The following CDC42SE2 variants were observed in gnomAD, a reference collection of about 807,000 sequenced individuals.
CDC42SE2 encodes the protein CDC42 small effector protein 2.
CDC42SE2 carries 3 observed loss-of-function variants against 11.5 expected under a neutral mutation model. The observed-to-expected ratio is 0.26, with a 90% CI of 0.12 to 0.67. The LOEUF is 0.67. Among genes scored for constraint, CDC42SE2 ranks in the 30% least tolerant of loss-of-function variants. The pLI, the probability that CDC42SE2 is intolerant of heterozygous loss-of-function variation, is 0.80. For synonymous variants in CDC42SE2, 33 were observed against 34.8 expected (o/e 0.95, Z 0.18); for missense variants, 82 against 106.8 (o/e 0.77, Z 1.02).
chr5:131,347,032 A>G (rs1028703459), intron 2 of CDC42SE2, among the ~76,000 whole-genome samples: 1 of 152,238 alleles, frequency 6.6e-6, no homozygotes, highest in Non-Finnish European at 1.5e-5. Context: ...CTAAATGCCC[A>G]CAAGAGAAAG....
At chr5:131,245,808 T>C (rs145786870) in intron 1 of CDC42SE2, among the ~76,000 whole-genome samples, 30 of 152,370 alleles carry the variant, frequency 2.0e-4, no homozygotes, top group African/African-American at 7.2e-4. Context: ...ATTTATGACA[T>C]TTATGTTTTA....
At chr5:131,356,273 T>C (rs944739785) in intron 2 of CDC42SE2, among the ~76,000 whole-genome samples, 1 of 152,224 alleles carries the variant, frequency 6.6e-6, no homozygotes, top group African/African-American at 2.4e-5. Context: ...GTTTTTAAAA[T>C]GGTCATGTTT....
intron 1 of CDC42SE2, among the ~76,000 whole-genome samples, chr5:131,284,417 A>G (rs561525987): frequency 6.6e-6 from 1 of 152,216 alleles, no homozygotes; most frequent in Non-Finnish European, 1.5e-5. Context: ...CTAAAGTAGG[A>G]TACAAAATTG....
At chr5:131,343,999 C>G (rs1395075228) in intron 2 of CDC42SE2, among the ~76,000 whole-genome samples, 2 of 152,086 alleles carry the variant, frequency 1.3e-5, no homozygotes, top group African/African-American at 4.8e-5. Flanking sequence ...TTAAATACTT[C>G]AGATTTAAGT....
intron 2 of CDC42SE2, 43 bp from the exon 3 acceptor site, chr5:131,359,166 A>G (rs1434592869): frequency 4.8e-6 from 1 of 210,102 alleles, no homozygotes; most frequent in Non-Finnish European, 9.4e-6. Context: ...TTCAAGGATA[A>G]GTAAAGTTTA....
chr5:131,331,311 CAG>C (rs1388158572), intron 2 of CDC42SE2, among the ~76,000 whole-genome samples: 9 of 152,086 alleles, frequency 5.9e-5, no homozygotes, highest in Non-Finnish European at 1.2e-4. Flanking sequence ...TCAAATGCAA[CAG>C]AGAATGTTAA....
chr5:131,311,991 C>G (rs1757927648), intron 1 of CDC42SE2, among the ~76,000 whole-genome samples: 1 of 152,216 alleles, frequency 6.6e-6, no homozygotes. Context: ...TGGTGAGGAA[C>G]TGCATTCCTT....
chr5:131,294,015 A>T lies in CDC42SE2; in HGVS notation c.-454-21961A>T, dbSNP rs964801243. 1.0e-3 allele frequency among the ~76,000 whole-genome samples: 154 copies of T among 152,322 alleles called. 1 individual carries two copies. The highest frequency in any genetic ancestry group is 3.4e-4 in the Non-Finnish European group (23 of 68,032). The stretch of plus-strand genomic sequence containing the variant: ...CTGTATTTACTGGAAGTAATGTCAC[A>T]CTGAGCCACTCTTCTGGTGAAAATG... On this transcript the variant is annotated intron_variant, in intron 1 of 4. Transcript: ENST00000505065.
At chr5:131,242,057 A>T (rs1427343452), upstream of CDC42SE2, among the ~76,000 whole-genome samples, 1 of 152,228 alleles carries the variant, frequency 6.6e-6, no homozygotes, top group African/African-American at 2.4e-5. Flanking sequence ...CCACCTAATG[A>T]AAGCCTGGTA....
intron 1 of CDC42SE2, among the ~76,000 whole-genome samples, chr5:131,304,130 A>G (rs908634175): frequency 6.6e-6 from 1 of 151,622 alleles, no homozygotes; most frequent in Non-Finnish European, 1.5e-5. Flanking sequence ...AGGCTAATTT[A>G]TTATTATTTT....
At chr5:131,259,017 T>C (rs899515202), upstream of CDC42SE2, among the ~76,000 whole-genome samples, 3 of 152,206 alleles carry the variant, frequency 2.0e-5, no homozygotes, top group African/African-American at 7.2e-5. Context: ...CTTCCTATCT[T>C]TGGCTGCTTC....
chr5:131,283,735 C>T (rs12515858), intron 1 of CDC42SE2, among the ~76,000 whole-genome samples: 86,752 of 151,752 alleles, frequency 0.57, 28,703 homozygotes, highest in Non-Finnish European at 0.76. Flanking sequence ...TCAGGTGATC[C>T]GCCCATCTCG....
chr5:131,364,920 G>GTAACCT (rs1749809410), intron 3 of CDC42SE2, among the ~76,000 whole-genome samples: 1 of 152,234 alleles, frequency 6.6e-6, no homozygotes, highest in African/African-American at 2.4e-5. Context: ...TTCAAGGGAA[G>GTAACCT]TGGTTGAGGA....
chr5:131,236,279 C>A, the CDC42SE2 span, among the ~76,000 whole-genome samples: 4 of 152,054 alleles, frequency 2.6e-5, no homozygotes, highest in South Asian at 2.1e-4. Flanking sequence ...TTTAGAAGGG[C>A]CTTCATCACT....
At position 131,313,779 on chromosome 5, in the gene CDC42SE2, T is replaced by G. The variant is rs530682772; in HGVS notation, c.-454-2197T>G. On this transcript the variant is annotated intron_variant, in intron 1 of 4. Coordinates refer to ENST00000505065, the MANE Select transcript of CDC42SE2 (RefSeq NM_001375635.1). ...AAATTTTTGCCCTTTTTAAAAGCCGTTTTGATTGATCTAGCTCTTTGCCAT... is the reference window on the plus strand; with the variant it reads ...AAATTTTTGCCCTTTTTAAAAGCCGGTTTGATTGATCTAGCTCTTTGCCAT... Among the ~76,000 whole-genome samples, 5 of 152,286 alleles carry G rather than the reference T, an allele frequency of 3.3e-5. No homozygotes were observed. The East Asian group carries it at 9.6e-4, about 29-fold the overall frequency.
intron 1 of CDC42SE2, among the ~76,000 whole-genome samples, chr5:131,285,190 C>T (rs1757315961): frequency 6.6e-6 from 1 of 151,780 alleles, no homozygotes; most frequent in Non-Finnish European, 1.5e-5. Context: ...GAGGCTGAGA[C>T]AGGAAGATCT....
At chr5:131,266,179 C>T (rs983867073) in intron 1 of CDC42SE2, among the ~76,000 whole-genome samples, 1 of 152,074 alleles carries the variant, frequency 6.6e-6, no homozygotes, top group Non-Finnish European at 1.5e-5. Context: ...TGCATTTATT[C>T]TGAACATAAG....
chr5:131,309,935 T>C (rs1757865752), intron 1 of CDC42SE2, among the ~76,000 whole-genome samples: 1 of 152,060 alleles, frequency 6.6e-6, no homozygotes, highest in South Asian at 2.1e-4. Context: ...GTTTTTTGTG[T>C]CTCTATTTCC....
intron 1 of CDC42SE2, among the ~76,000 whole-genome samples, chr5:131,247,534 A>G (rs559314158): frequency 1.4e-3 from 218 of 152,144 alleles, no homozygotes; most frequent in African/African-American, 5.0e-3. Flanking sequence ...CAAGAGAATC[A>G]CTTGAACCCG....
Sources: gnomAD v4.1 joint callset for allele counts (sites outside exome capture counted in the v4.1 genomes callset) on GRCh38, gnomAD v4.1.1 for gene constraint, MANE v1.5 for transcripts, NCBI Gene and HGNC (gene_info 2026-07-23, HGNC 2026-07-21) for gene names.